Variants in STOX2 observed in about 807,000 individuals in gnomAD.
The protein encoded by STOX2 is storkhead-box protein 2.
STOX2 carries 28 observed loss-of-function variants against 60.9 expected under a neutral mutation model. That is an observed-to-expected ratio of 0.46 (90% CI 0.34 to 0.63). The LOEUF (loss-of-function observed/expected upper bound fraction) is 0.63, where lower values mean the gene tolerates loss of function less well. STOX2 is among the 30% of genes least tolerant of loss of function. The pLI is 0.01. For synonymous variants in STOX2, 472 were observed against 463.9 expected (o/e 1.02, Z -0.22); for missense variants, 1,024 against 1,187.7 (o/e 0.86, Z 2.03).
chr4:183,821,735 A>G lies in STOX2; in HGVS notation c.364+23680A>G, dbSNP rs1739306813. Among the ~76,000 whole-genome samples, 1 of 152,030 alleles carries G rather than the reference A, an allele frequency of 6.6e-6. No homozygotes were observed. The highest frequency in any genetic ancestry group is 2.4e-5 in the African/African-American group (1 of 41,410). On this transcript the variant is annotated intron_variant, in intron 1 of 2. Transcript: ENST00000513034. The surrounding 1 kb of genome is among the most constrained non-coding windows in gnomAD (Gnocchi z 4.2). The stretch of plus-strand genomic sequence containing the variant: ...TTGAGCCCTGCCTAGAGGGGAGGGG[A>G]GGGGTCCCTGCTGCTCCAGCAGCCT...
At position 183,806,526 on chromosome 4, in the gene STOX2, G is replaced by C. The variant is rs1372200822; in HGVS notation, c.364+8471G>C. On this transcript the variant is annotated intron_variant, in intron 1 of 2. Transcript: ENST00000513034. This position sits in a 1 kb window ranked among gnomAD's most constrained non-coding sequence, Gnocchi z 4.1. ...CTTCTGTCTTCACTGTGAACCCCGG[G>C]ATACTGCGGCGGTGCTGGCTGGAAG... Among the ~76,000 whole-genome samples, 1 of 152,084 alleles carries C rather than the reference G, an allele frequency of 6.6e-6. No individual in the cohort carries two copies. Among genetic ancestry groups the C allele is most frequent in the Non-Finnish European group, 1.5e-5 (1 of 68,028 alleles).
chr4:183,798,169 C>A, intron 1 of STOX2: 1 of 1,032,664 alleles, frequency 9.7e-7, no homozygotes, highest in Non-Finnish European at 1.2e-6. Context: ...GCCGAGGCTC[C>A]CCTGGGTGCC....
chr4:183,852,445 GGTTGAGAGAAAC>G (rs1740172838), intron 1 of STOX2, among the ~76,000 whole-genome samples: 3 of 36,392 alleles, frequency 8.2e-5, no homozygotes, highest in Non-Finnish European at 5.5e-5. Context: ...ATGAGGGAAA[GGTTGAGAGAAAC>G]GATGAGGGAA....
chr4:183,935,774 AG>A (rs1317133591), intron 1 of STOX2, among the ~76,000 whole-genome samples: 12 of 152,366 alleles, frequency 7.9e-5, no homozygotes, highest in African/African-American at 2.9e-4. Flanking sequence ...GGGACTAAGG[AG>A]TACTCAGAAA....
chr4:183,820,643 G>A (rs1445386220), intron 1 of STOX2, among the ~76,000 whole-genome samples: 1 of 152,170 alleles, frequency 6.6e-6, no homozygotes, highest in African/African-American at 2.4e-5. Flanking sequence ...ATGGTTATTA[G>A]AATTATTAGG....
At chr4:184,015,142 A>G (rs956336986) in intron 3 of STOX2, 1 of 152,306 alleles carries the variant, frequency 6.6e-6, no homozygotes, top group East Asian at 1.9e-4. Context: ...GGTACATCCC[A>G]TCATAACTCT....
At chr4:184,016,893 A>G (rs546654172) in intron 3 of STOX2, among the ~76,000 whole-genome samples, 196 bp from the exon 4 acceptor site, 1 of 152,320 alleles carries the variant, frequency 6.6e-6, no homozygotes, top group South Asian at 2.1e-4. Flanking sequence ...GCTGCTGATT[A>G]TTACATGTCT....
At chr4:183,939,501 C>A (rs1379541780) in intron 1 of STOX2, among the ~76,000 whole-genome samples, 1 of 152,220 alleles carries the variant, frequency 6.6e-6, no homozygotes, top group Admixed American at 6.5e-5. Context: ...TCTGCAAAGA[C>A]CCTTTCCTAA....
In STOX2 at chr4:183,818,887, C is replaced by T. The variant is rs952308503; in HGVS notation, c.364+20832C>T. Among the ~76,000 whole-genome samples the T allele has an allele frequency of 5.6e-4, 84 of 150,896 alleles. 1 individual carries two copies. The highest frequency in any genetic ancestry group is 3.0e-3 in the Admixed American group (46 of 15,180). The stretch of plus-strand genomic sequence containing the variant: ...CCCAGACGGGGTGGTGGGGCAGAGG[C>T]GCGCGTCACTTCCTAGATGGGATGG... On this transcript the variant is annotated intron_variant, in intron 1 of 2. Transcript: ENST00000513034.
chr4:183,920,497 C>T (rs753154422), intron 1 of STOX2, among the ~76,000 whole-genome samples: 1 of 152,182 alleles, frequency 6.6e-6, no homozygotes, highest in Non-Finnish European at 1.5e-5. Context: ...CTGTAGAAGC[C>T]TGTGCTGTAA....
At chr4:183,872,485 T>G (rs1031016301) in intron 1 of STOX2, among the ~76,000 whole-genome samples, 1 of 152,186 alleles carries the variant, frequency 6.6e-6, no homozygotes, top group Non-Finnish European at 1.5e-5. Context: ...AAACTTTTTA[T>G]GTATTTAAAA....
chr4:183,888,872 T>C (rs1431905308), intron 1 of STOX2, among the ~76,000 whole-genome samples: 2 of 151,976 alleles, frequency 1.3e-5, no homozygotes, highest in Admixed American at 6.6e-5. Flanking sequence ...TGGGGCTGAT[T>C]TGGCTCTGTG....
chr4:183,819,515 G>A (rs994180274), intron 1 of STOX2, among the ~76,000 whole-genome samples: 102 of 147,534 alleles, frequency 6.9e-4, no homozygotes, highest in African/African-American at 2.4e-3. Context: ...GCTTCGGCTG[G>A]GCATCAGAGG....
At chr4:183,873,996 G>A (rs1359677732) in intron 1 of STOX2, among the ~76,000 whole-genome samples, 1 of 152,204 alleles carries the variant, frequency 6.6e-6, no homozygotes, top group African/African-American at 2.4e-5. Context: ...TCTGTTTCAT[G>A]AGACCTCATC....
chr4:184,009,120 T>C lies in STOX2; in HGVS notation c.320-38T>C. The C allele has an allele frequency of 7.0e-7, 1 of 1,421,214 alleles. No homozygotes were observed. Among genetic ancestry groups the C allele is most frequent in the East Asian group, 2.4e-5 (1 of 42,192 alleles). 88.0% of individuals were successfully genotyped at this position (1,421,214 alleles called of 1,614,324 possible). The stretch of plus-strand genomic sequence containing the variant: ...AAATCAGGAATCCACATGTTCTGTC[T>C]TCATTCTCACAAGTGGTTTTTTTTT... On this transcript the variant is annotated intron_variant, in intron 2 of 3. Transcript: ENST00000308497. This position sits in a 1 kb window ranked among gnomAD's most constrained non-coding sequence, Gnocchi z 4.0.
intron 1 of STOX2, among the ~76,000 whole-genome samples, chr4:183,812,656 C>A (rs1367090199): frequency 2.0e-5 from 3 of 152,050 alleles, no homozygotes; most frequent in African/African-American, 7.2e-5. Context: ...ATCTGTACTG[C>A]CCAGTCTAAG....
At position 183,995,629 on chromosome 4, in the gene STOX2, T is replaced by G. The variant is rs746352616; in HGVS notation, c.167-5696T>G. 5.3e-5 allele frequency among the ~76,000 whole-genome samples: 8 copies of G among 152,298 alleles called. No individual in the cohort carries two copies. The South Asian group carries it at 1.2e-3, about 24-fold the overall frequency. ...CCTGTTGTCCGTTGTGCGAGTGATT[T>G]TAGGAATCACCAGCTCTTTCTCCAG... On this transcript the variant is annotated intron_variant, in intron 1 of 3. Transcript: ENST00000308497.
intron 2 of STOX2, among the ~76,000 whole-genome samples, chr4:184,004,704 A>G (rs931316333): frequency 2.0e-5 from 3 of 152,208 alleles, no homozygotes; most frequent in African/African-American, 4.8e-5. Context: ...TTGAAAACCA[A>G]CTCAACAACT....
rs112750753 is a variant in STOX2, at chr4:183,936,218, A to T, written c.166+29262A>T. 5.9e-3 allele frequency among the ~76,000 whole-genome samples: 812 copies of T among 138,248 alleles called. 5 individuals carry two copies. Among genetic ancestry groups the T allele is most frequent in the African/African-American group, 0.026 (762 of 29,810 alleles). 90.7% of individuals were successfully genotyped at this position (138,248 alleles called of 152,430 possible). On this transcript the variant is annotated intron_variant, in intron 1 of 3. Coordinates refer to ENST00000308497, the MANE Select transcript of STOX2 (RefSeq NM_020225.3). ...AGCCTTGGCAAACGCTGTTGTTTCC[A>T]TCTGGAGTTTTTTTTGCAGTCTGTG...
Sources: allele counts gnomAD v4.1 joint callset (sites outside exome capture counted in the v4.1 genomes callset), GRCh38; gene constraint gnomAD v4.1.1; non-coding constraint Gnocchi (gnomAD v3.1); transcripts MANE v1.5; gene names NCBI Gene and HGNC (gene_info 2026-07-23, HGNC 2026-07-21).